Variants in EPB41 observed in about 807,000 individuals in gnomAD.
EPB41 encodes protein 4.1.
EPB41 carries 65 observed loss-of-function variants against 108.0 expected under a neutral mutation model. That is an observed-to-expected ratio of 0.60 (90% confidence interval 0.49 to 0.74). The LOEUF (loss-of-function observed/expected upper bound fraction) is 0.74, where lower values mean the gene tolerates loss of function less well. EPB41 is among the 30% of genes least tolerant of loss of function. The pLI is 0.00. For synonymous variants in EPB41, 336 were observed against 358.9 expected (o/e 0.94, Z 0.72); for missense variants, 875 against 1,037.0 (o/e 0.84, Z 2.15).
chr1:29,090,673 C>T (rs929040098), intron 16 of EPB41, among the ~76,000 whole-genome samples: 3 of 152,198 alleles, frequency 2.0e-5, no homozygotes, highest in African/African-American at 4.8e-5. Context: ...TCGCTTGAAC[C>T]TGGGAGGCAG....
intron 1 of EPB41, among the ~76,000 whole-genome samples, chr1:28,955,849 G>A (rs60803900): frequency 0.013 from 1,995 of 152,256 alleles, 45 homozygotes; most frequent in African/African-American, 0.044. Context: ...TTTAACTACC[G>A]TAAGAAGTAC....
At chr1:28,935,475 C>G (rs550085477) in intron 1 of EPB41, among the ~76,000 whole-genome samples, 1 of 39,814 alleles carries the variant, frequency 2.5e-5, no homozygotes, top group Non-Finnish European at 5.3e-5. Context: ...ACACCCCCCC[C>G]CCCCCAAGAT....
At chr1:29,075,314 C>T (rs1653538598) in intron 16 of EPB41, among the ~76,000 whole-genome samples, 1 of 151,858 alleles carries the variant, frequency 6.6e-6, no homozygotes, top group Non-Finnish European at 1.5e-5. Context: ...CCTATCTCTA[C>T]TAAAAATACA....
At chr1:28,966,414 T>A (rs2095358010) in intron 1 of EPB41, among the ~76,000 whole-genome samples, 1 of 152,212 alleles carries the variant, frequency 6.6e-6, no homozygotes, top group Non-Finnish European at 1.5e-5. Context: ...CTTTCTTTTG[T>A]TCATTTATTT....
chr1:29,036,216 C>G (rs1392428535), intron 10 of EPB41, among the ~76,000 whole-genome samples: 6 of 150,636 alleles, frequency 4.0e-5, no homozygotes, highest in African/African-American at 1.5e-4. Flanking sequence ...AAAGTCAGTC[C>G]GATTAAGGGG....
At chr1:28,898,706 G>A (rs1034823127) in intron 1 of EPB41, among the ~76,000 whole-genome samples, 2 of 152,104 alleles carry the variant, frequency 1.3e-5, no homozygotes, top group African/African-American at 4.8e-5. Flanking sequence ...AGGGGTGCTG[G>A]CCCACTGCCA....
At chr1:28,945,816 C>A (rs2094469594) in intron 1 of EPB41, among the ~76,000 whole-genome samples, 1 of 152,144 alleles carries the variant, frequency 6.6e-6, no homozygotes. Flanking sequence ...TTCAGTGATA[C>A]AAAATTCTGT....
intron 1 of EPB41, among the ~76,000 whole-genome samples, chr1:28,904,572 G>A (rs551477466): frequency 1.3e-5 from 2 of 152,062 alleles, no homozygotes; most frequent in African/African-American, 4.8e-5. Flanking sequence ...ATGAGGGTGG[G>A]GCCCTCATGA....
intron 11 of EPB41, among the ~76,000 whole-genome samples, chr1:29,045,198 A>G (rs1642805463): frequency 6.6e-6 from 1 of 152,152 alleles, no homozygotes. Flanking sequence ...GATAATTGGT[A>G]TTATAATATT....
intron 18 of EPB41, 118 bp from the exon 19 acceptor site, chr1:29,112,250 C>A: frequency 1.2e-6 from 1 of 818,836 alleles, no homozygotes; most frequent in Non-Finnish European, 2.0e-6. Context: ...TTCCTCCTAT[C>A]TCAGCCTCCC....
chr1:28,990,364 T>C (rs1286073879), intron 2 of EPB41, among the ~76,000 whole-genome samples: 5 of 48,764 alleles, frequency 1.0e-4, no homozygotes, highest in African/African-American at 3.1e-4. Context: ...TCCCTTCCTC[T>C]CTTCCTCTGC....
At chr1:29,097,785 C>A (rs1558302773) in intron 16 of EPB41, 22 bp from the exon 17 acceptor site, 1 of 1,613,202 alleles carries the variant, frequency 6.2e-7, no homozygotes, top group South Asian at 1.1e-5. Context: ...ACTCTAGTAA[C>A]TCTTTCCTTA....
At chr1:28,961,695 T>C (rs150872330) in intron 1 of EPB41, among the ~76,000 whole-genome samples, 7 of 152,368 alleles carry the variant, frequency 4.6e-5, no homozygotes, top group Non-Finnish European at 8.8e-5. Flanking sequence ...ATATTAACAC[T>C]ATGATTCTCA....
chr1:28,975,940 CAAAAAAAAAAA>C (rs775554564), intron 1 of EPB41, among the ~76,000 whole-genome samples: 1 of 67,680 alleles, frequency 1.5e-5, no homozygotes, highest in African/African-American at 5.3e-5. Context: ...GACTCCATCT[CAAAAAAAAAAA>C]AAAAAAAAAA....
At chr1:29,031,105 G>GTA (rs1558083364) in intron 8 of EPB41, among the ~76,000 whole-genome samples, 7 of 152,102 alleles carry the variant, frequency 4.6e-5, no homozygotes, top group Non-Finnish European at 7.4e-5. Context: ...CACCGTGCCC[G>GTA]GCCTCTTGTT....
Position 29,118,078 on chromosome 1 carries a change from T to G in EPB41, c.*1266T>G. The G allele has an allele frequency of 6.6e-6, 1 of 152,218 alleles. No homozygotes were observed. The highest frequency in any genetic ancestry group is 1.9e-4 in the East Asian group (1 of 5,190). 9.4% of individuals were successfully genotyped at this position (152,218 alleles called of 1,614,324 possible). A position where few individuals can be genotyped will look rare whatever the true frequency, so the allele number is the denominator to read the frequency against. ...TTTTGATTTTTGAAAGTGAAGATGA[T>G]GCCCTAATTCCTGGTAAGGATTTGG... On this transcript the variant is annotated 3_prime_UTR_variant, in exon 21 of 21. Transcript: ENST00000343067.
At chr1:28,950,860 A>G (rs1571245514) in intron 1 of EPB41, among the ~76,000 whole-genome samples, 2 of 151,484 alleles carry the variant, frequency 1.3e-5, no homozygotes, top group East Asian at 3.9e-4. Flanking sequence ...TTTGAGACGG[A>G]GTTTTGCTCT....
At chr1:29,010,510 C>T (rs76674124) in intron 4 of EPB41, among the ~76,000 whole-genome samples, 1,682 of 152,150 alleles carry the variant, frequency 0.011, 21 homozygotes, top group African/African-American at 0.038. Context: ...ATGTACTTTT[C>T]GACATGTATC....
chr1:29,080,322 G>T (rs1056989349), intron 16 of EPB41, among the ~76,000 whole-genome samples: 3 of 151,554 alleles, frequency 2.0e-5, no homozygotes, highest in African/African-American at 7.3e-5. Context: ...AGCTGGTCTT[G>T]AACTCTGGAC....
Sources: allele counts gnomAD v4.1 joint callset (sites outside exome capture counted in the v4.1 genomes callset), GRCh38; gene constraint gnomAD v4.1.1; transcripts MANE v1.5; gene names NCBI Gene and HGNC (gene_info 2026-07-23, HGNC 2026-07-21).